CDK8: variants seen among roughly 807,000 people sequenced by gnomAD.
CDK8 encodes cyclin-dependent kinase 8.
In CDK8, 29 loss-of-function variants were observed where a neutral mutation model predicts 71.5. That is an observed-to-expected ratio of 0.41 (90% CI 0.30 to 0.55). The LOEUF is 0.55. CDK8 is among the 20% of genes least tolerant of loss of function. CDK8 has a pLI of 0.37. For missense variants in CDK8, 288 were observed against 572.6 expected, an observed-to-expected ratio of 0.50 and a Z score of 5.07; for synonymous variants, 161 against 192.1, an observed-to-expected ratio of 0.84 and a Z score of 1.34.
At chr13:26,380,975 A>G (rs1875197846) in intron 4 of CDK8, among the ~76,000 whole-genome samples, 1 of 152,198 alleles carries the variant, frequency 6.6e-6, no homozygotes, top group African/African-American at 2.4e-5. Context: ...TTCTTGGAAT[A>G]ATTTTCCGTG....
At chr13:26,329,469 G>GTTTTTTTTTTTTTTTTTTTTTTTTTTTTT (rs35796023) in intron 1 of CDK8, among the ~76,000 whole-genome samples, 1 of 71,574 alleles carries the variant, frequency 1.4e-5, no homozygotes, top group African/African-American at 4.0e-5. Context: ...GCCTATTTCT[G>GTTTTTTTTTTTTTTTTTTTTTTTTTTTTT]TTTTTTTTTT....
chr13:26,365,891 A>T (rs1874365472), intron 4 of CDK8, among the ~76,000 whole-genome samples: 2 of 152,038 alleles, frequency 1.3e-5, no homozygotes, highest in Non-Finnish European at 2.9e-5. Flanking sequence ...TTGGACTTTC[A>T]CATTAGCAAA....
At chr13:26,361,783 C>CTTTTTTTTTTTT (rs1201582663) in intron 4 of CDK8, among the ~76,000 whole-genome samples, 1 of 112,226 alleles carries the variant, frequency 8.9e-6, no homozygotes, top group Non-Finnish European at 1.7e-5. Flanking sequence ...TTTTCTTTTC[C>CTTTTTTTTTTTT]CTTTTTTTTT....
intron 1 of CDK8, among the ~76,000 whole-genome samples, chr13:26,273,448 G>C (rs1872424005): frequency 6.6e-6 from 1 of 151,978 alleles, no homozygotes; most frequent in Non-Finnish European, 1.5e-5. Context: ...TCTAGTTCCA[G>C]GTAATTAAAG....
intron 1 of CDK8, among the ~76,000 whole-genome samples, chr13:26,272,635 A>G (rs1298807347): frequency 1.3e-5 from 2 of 152,274 alleles, no homozygotes; most frequent in Admixed American, 6.5e-5. Flanking sequence ...GATAAAAACC[A>G]TAGTATAGCA....
chr13:26,369,523 A>G (rs1593294025), intron 4 of CDK8, among the ~76,000 whole-genome samples: 2 of 130,022 alleles, frequency 1.5e-5, no homozygotes, highest in Admixed American at 7.8e-5. Context: ...CTGAGGTTGG[A>G]CGATTTTTTT....
chr13:26,279,071 T>C (rs1189077599), intron 1 of CDK8, among the ~76,000 whole-genome samples: 1 of 151,834 alleles, frequency 6.6e-6, no homozygotes, highest in African/African-American at 2.4e-5. Context: ...GTGTGTCCCA[T>C]AGATATTGAA....
chr13:26,315,673 G>C (rs1198580184), intron 1 of CDK8, among the ~76,000 whole-genome samples: 2 of 152,122 alleles, frequency 1.3e-5, no homozygotes, highest in African/African-American at 4.8e-5. Flanking sequence ...GAATCTGACT[G>C]CCTGGGTTTG....
At chr13:26,364,234 G>GT (rs767692938) in intron 4 of CDK8, among the ~76,000 whole-genome samples, 2 of 152,048 alleles carry the variant, frequency 1.3e-5, no homozygotes, top group East Asian at 3.9e-4. Context: ...GACACAATCA[G>GT]TTTTTTTGTT....
intron 12 of CDK8, among the ~76,000 whole-genome samples, chr13:26,402,292 T>C (rs1436010298): frequency 1.3e-5 from 2 of 152,204 alleles, no homozygotes; most frequent in African/African-American, 2.4e-5. Context: ...AAGGCTGTTA[T>C]GTTGCCTGCT....
chr13:26,274,228 C>T (rs960146334), intron 1 of CDK8, among the ~76,000 whole-genome samples: 3 of 150,424 alleles, frequency 2.0e-5, no homozygotes, highest in African/African-American at 7.5e-5. Flanking sequence ...TTCATAATGA[C>T]AAAAGTAATG....
At chr13:26,340,738 T>C (rs938333059) in intron 2 of CDK8, among the ~76,000 whole-genome samples, 9 of 152,194 alleles carry the variant, frequency 5.9e-5, no homozygotes, top group African/African-American at 2.2e-4. Flanking sequence ...GGGTTCTTTT[T>C]ATCTGTGTGC....
intron 4 of CDK8, among the ~76,000 whole-genome samples, chr13:26,355,287 T>C (rs1318276263): frequency 6.6e-6 from 1 of 152,246 alleles, no homozygotes; most frequent in Non-Finnish European, 1.5e-5. Context: ...TGCAAACTTT[T>C]ATTTTTAATA....
At chr13:26,360,730 A>G (rs1323407761) in intron 4 of CDK8, among the ~76,000 whole-genome samples, 1 of 152,242 alleles carries the variant, frequency 6.6e-6, no homozygotes, top group East Asian at 1.9e-4. Flanking sequence ...TACTTGTAAC[A>G]GAAACAAAGT....
At chr13:26,298,812 C>A (rs1352698182) in intron 1 of CDK8, among the ~76,000 whole-genome samples, 1 of 152,110 alleles carries the variant, frequency 6.6e-6, no homozygotes, top group African/African-American at 2.4e-5. Context: ...TGACGCTTTT[C>A]CGGTAGTGTT....
chr13:26,352,704 A>G (rs1415534047), intron 3 of CDK8, among the ~76,000 whole-genome samples: 1 of 152,228 alleles, frequency 6.6e-6, no homozygotes. Context: ...GTCATACTAC[A>G]TATGTGCAAA....
At chr13:26,285,371 G>A (rs1872958966) in intron 1 of CDK8, among the ~76,000 whole-genome samples, 1 of 152,186 alleles carries the variant, frequency 6.6e-6, no homozygotes, top group Non-Finnish European at 1.5e-5. Context: ...GTCAATAAAT[G>A]TGATCCATCA....
intron 4 of CDK8, among the ~76,000 whole-genome samples, chr13:26,361,584 G>T (rs1228845917): frequency 6.6e-6 from 1 of 151,906 alleles, no homozygotes; most frequent in African/African-American, 2.4e-5. Context: ...CACTCAAAAT[G>T]AAAAACAATG....
At chr13:26,287,535 TAA>T (rs987621725) in intron 1 of CDK8, among the ~76,000 whole-genome samples, 93 of 152,242 alleles carry the variant, frequency 6.1e-4, no homozygotes, top group African/African-American at 1.9e-3. Context: ...TGCAAAGGCA[TAA>T]GAGTGATATA....
Sources: gnomAD v4.1 joint callset for allele counts (sites outside exome capture counted in the v4.1 genomes callset) on GRCh38, gnomAD v4.1.1 for gene constraint, MANE v1.5 for transcripts, NCBI Gene and HGNC (gene_info 2026-07-23, HGNC 2026-07-21) for gene names.